Variants in GNG4 observed in about 807,000 individuals in gnomAD.
The protein encoded by GNG4 is guanine nucleotide-binding protein G(I)/G(S)/G(O) subunit gamma-4.
In GNG4, 4 loss-of-function variants were observed where a neutral mutation model predicts 5.8. That is an observed-to-expected ratio of 0.69 (90% CI 0.34 to 1.57). GNG4 has a LOEUF of 1.57. Ranked by LOEUF, GNG4 falls within the 40% of genes most tolerant of loss-of-function variation. The pLI is 0.06. For missense variants in GNG4, 96 were observed against 95.1 expected (o/e 1.01, Z -0.04); for synonymous variants, 29 against 32.9 (o/e 0.88, Z 0.41).
At chr1:235,619,751 G>A (rs924935726) in intron 1 of GNG4, among the ~76,000 whole-genome samples, 2 of 152,046 alleles carry the variant, frequency 1.3e-5, no homozygotes, top group Non-Finnish European at 2.9e-5. Context: ...CTGCTTTCAG[G>A]AGCTACCAGA....
intron 1 of GNG4, among the ~76,000 whole-genome samples, chr1:235,619,236 C>T (rs114051871): frequency 0.038 from 5,265 of 137,608 alleles, 133 homozygotes; most frequent in Middle Eastern, 0.099. Context: ...TATATATATA[C>T]ACAAAAATTA....
At chr1:235,561,603 C>T (rs1174801349) in intron 3 of GNG4, among the ~76,000 whole-genome samples, 2 of 151,952 alleles carry the variant, frequency 1.3e-5, no homozygotes, top group Admixed American at 1.3e-4. Context: ...CCATATTGGC[C>T]AGGCTGGTTT....
At chr1:235,630,290 T>A (rs776499516) in intron 1 of GNG4, among the ~76,000 whole-genome samples, 7 of 152,306 alleles carry the variant, frequency 4.6e-5, no homozygotes, top group South Asian at 4.1e-4. Context: ...GTGGGACTAT[T>A]TCAGAAAGGT....
In GNG4 at chr1:235,594,298, G is replaced by A. The variant is rs185676539; in HGVS notation, c.-11+1102C>T. Among the ~76,000 whole-genome samples the A allele has an allele frequency of 6.9e-3, 1,048 of 152,314 alleles. 5 individuals carry two copies. Among genetic ancestry groups the A allele is most frequent in the Non-Finnish European group, 0.012 (840 of 68,026 alleles). On this transcript the variant is annotated intron_variant, in intron 2 of 3. Coordinates refer to ENST00000391854, the MANE Select transcript of GNG4 (RefSeq NM_001098722.2). ...AGCTAGATACAGAGTGCCGATTGGTGTATTTACAATCCCTTAGCTAGACAT... is the reference window on the plus strand; with the variant it reads ...AGCTAGATACAGAGTGCCGATTGGTATATTTACAATCCCTTAGCTAGACAT...
At position 235,550,742 on chromosome 1, in the gene GNG4, G is replaced by A. The variant is rs59100223; in HGVS notation, c.*1367C>T. The A allele has an allele frequency of 0.14, 21,185 of 152,140 alleles. 2,751 individuals are homozygous for A. The highest frequency in any genetic ancestry group is 0.35 in the African/African-American group (14,535 of 41,452). The allele number at this position is 152,140 out of a possible 1,614,324, so 9.4% of individuals were successfully genotyped here. A position where few individuals can be genotyped will look rare whatever the true frequency, so the allele number is the denominator to read the frequency against. On this transcript the variant is annotated 3_prime_UTR_variant, in exon 4 of 4. Coordinates refer to ENST00000391854, the MANE Select transcript of GNG4 (RefSeq NM_001098722.2). Reference sequence around the variant, plus strand: ...ACTTGAACCTGCGAGTGGAGGTTGCGGTGAGCTGAGATTGTGCCATTGCAT... The same window carrying A: ...ACTTGAACCTGCGAGTGGAGGTTGCAGTGAGCTGAGATTGTGCCATTGCAT...
intron 3 of GNG4, 104 bp from the exon 4 acceptor site, chr1:235,552,341 G>T: frequency 9.6e-7 from 1 of 1,036,518 alleles, no homozygotes; most frequent in Non-Finnish European, 1.5e-6. Context: ...AGGGTAGGCT[G>T]TATTGTGTGC....
chr1:235,600,416 T>TTGTG (rs570362257), intron 1 of GNG4, among the ~76,000 whole-genome samples: 385 of 126,334 alleles, frequency 3.0e-3, no homozygotes, highest in Middle Eastern at 4.7e-3. Flanking sequence ...CGCCTGGCTT[T>TTGTG]TGTGTGTGTG....
chr1:235,591,110 A>G (rs943991973), intron 2 of GNG4, among the ~76,000 whole-genome samples: 16 of 152,190 alleles, frequency 1.1e-4, no homozygotes, highest in Non-Finnish European at 2.1e-4. Flanking sequence ...GTCCGGTTCC[A>G]ATCCTCTTAT....
chr1:235,612,725 G>A (rs1394172824), intron 1 of GNG4, among the ~76,000 whole-genome samples: 1 of 152,154 alleles, frequency 6.6e-6, no homozygotes, highest in Admixed American at 6.5e-5. Context: ...GTTTCGCTAT[G>A]TTACCCAGGC....
At chr1:235,643,295 C>T (rs1657391082) in intron 1 of GNG4, among the ~76,000 whole-genome samples, 1 of 152,228 alleles carries the variant, frequency 6.6e-6, no homozygotes, top group Admixed American at 6.5e-5. Context: ...GCCTGGAAAG[C>T]CCTTTCTCAT....
chr1:235,600,069 C>T (rs1234835381), intron 1 of GNG4, among the ~76,000 whole-genome samples: 1 of 130,898 alleles, frequency 7.6e-6, no homozygotes, highest in Non-Finnish European at 1.6e-5. Flanking sequence ...TAGCTCTTGA[C>T]TGGATTCCTT....
chr1:235,566,159 T>C (rs1280029616), intron 3 of GNG4: 1 of 152,262 alleles, frequency 6.6e-6, no homozygotes, highest in African/African-American at 2.4e-5. Context: ...CACTGATGTC[T>C]CCATGGTGAG....
At chr1:235,597,613 TGTGTGTGTGTGTGTGTA>T (rs1247534248) in intron 1 of GNG4, among the ~76,000 whole-genome samples, 10 of 110,146 alleles carry the variant, frequency 9.1e-5, no homozygotes, top group Admixed American at 2.5e-4. Context: ...TGTGTGTGTG[TGTGTGTGTGTGTGTGTA>T]TTTTTTTTTT....
intron 1 of GNG4, among the ~76,000 whole-genome samples, chr1:235,624,496 T>C (rs1022661660): frequency 1.3e-5 from 2 of 152,182 alleles, no homozygotes; most frequent in Non-Finnish European, 2.9e-5. Context: ...AAAATGATAA[T>C]TTTGAGTTTT....
chr1:235,586,587 G>T (rs774057483), intron 2 of GNG4, among the ~76,000 whole-genome samples: 2 of 152,224 alleles, frequency 1.3e-5, no homozygotes, highest in African/African-American at 2.4e-5. Flanking sequence ...ACTGGATCAC[G>T]GGGCCAGATC....
chr1:235,583,871 G>A (rs1222258833), intron 2 of GNG4, 23 bp from the exon 3 acceptor site: 21 of 1,460,568 alleles, frequency 1.4e-5, no homozygotes, highest in Non-Finnish European at 1.7e-5. Flanking sequence ...AAAGTAAAAG[G>A]GTTAGAAGAG....
intron 1 of GNG4, among the ~76,000 whole-genome samples, chr1:235,597,759 G>A (rs905337378): frequency 6.6e-6 from 1 of 151,538 alleles, no homozygotes; most frequent in African/African-American, 2.4e-5. Context: ...CCAAGTAGGT[G>A]GGATTACAGG....
chr1:235,595,054 A>G (rs1482151773), intron 2 of GNG4, among the ~76,000 whole-genome samples: 2 of 151,952 alleles, frequency 1.3e-5, no homozygotes, highest in African/African-American at 4.9e-5. Flanking sequence ...TCACTGCAAT[A>G]GCATCTCTTT....
intron 3 of GNG4, among the ~76,000 whole-genome samples, chr1:235,564,858 G>C (rs1687154663): frequency 6.6e-6 from 1 of 152,048 alleles, no homozygotes; most frequent in Admixed American, 6.6e-5. Flanking sequence ...GCTTATTTTG[G>C]TATTCTTAGT....
Sources: gnomAD v4.1 joint callset for allele counts (sites outside exome capture counted in the v4.1 genomes callset) on GRCh38, gnomAD v4.1.1 for gene constraint, MANE v1.5 for transcripts, NCBI Gene and HGNC (gene_info 2026-07-23, HGNC 2026-07-21) for gene names.